Variants in LRP1B observed in about 807,000 individuals in gnomAD.
LRP1B encodes low-density lipoprotein receptor-related protein 1B.
Under a neutral mutation model 556.6 loss-of-function variants are expected in LRP1B, and 217 were observed. That is an observed-to-expected ratio of 0.39 (90% confidence interval 0.35 to 0.44). LRP1B has a LOEUF of 0.44. Among genes scored for constraint, LRP1B ranks in the 20% least tolerant of loss-of-function variants. The pLI, the probability that LRP1B is intolerant of heterozygous loss-of-function variation, is 1.00. For missense variants in LRP1B, 5,053 were observed against 5,620.8 expected, an observed-to-expected ratio of 0.90 and a Z score of 3.23; for synonymous variants, 2,047 against 1,865.8, an observed-to-expected ratio of 1.10 and a Z score of -2.50.
Position 141,062,041 on chromosome 2 carries a change from T to A in LRP1B, c.1236+10A>T, listed in dbSNP as rs1699350661. The A allele has an allele frequency of 6.2e-7, 1 of 1,606,468 alleles. No homozygotes were observed. The highest frequency in any genetic ancestry group is 8.5e-7 in the Non-Finnish European group (1 of 1,173,860). Reference sequence around the variant, plus strand: ...ACCCTAGGAGCGTTGTCTAACAAAATTGTACTTACTTGTCTGCCTTGAATG... The same window carrying A: ...ACCCTAGGAGCGTTGTCTAACAAAAATGTACTTACTTGTCTGCCTTGAATG... On this transcript the variant is annotated intron_variant, in intron 8 of 90. Coordinates refer to ENST00000389484, the MANE Select transcript of LRP1B (RefSeq NM_018557.3).
At chr2:141,208,487 AC>A (rs768045238) in intron 6 of LRP1B, 1 of 152,166 alleles carries the variant, frequency 6.6e-6, no homozygotes, top group Non-Finnish European at 1.5e-5. Context: ...CTGCGCCACA[AC>A]CAGAAAAGCT....
chr2:141,891,924 C>T (rs999532858), intron 1 of LRP1B, among the ~76,000 whole-genome samples: 4 of 151,756 alleles, frequency 2.6e-5, no homozygotes, highest in African/African-American at 7.3e-5. Flanking sequence ...AATAGGTGAC[C>T]TTAGGTACAG....
chr2:141,694,637 C>A (rs74601372), intron 2 of LRP1B, among the ~76,000 whole-genome samples: 13,521 of 149,840 alleles, frequency 0.09, 1,222 homozygotes, highest in African/African-American at 0.22. Context: ...CATGATCATT[C>A]GATTGTTTCA....
At chr2:140,444,262 G>A (rs1009296906) in intron 65 of LRP1B, 68 bp downstream of exon 65, 5 of 1,540,086 alleles carry the variant, frequency 3.2e-6, no homozygotes, top group African/African-American at 1.4e-5. Flanking sequence ...ATGAAGTATA[G>A]TACTAATTTT....
In LRP1B at chr2:140,511,601, C is replaced by T. The variant is rs531624435; in HGVS notation, c.8270-1545G>A. The stretch of plus-strand genomic sequence containing the variant: ...CAGGCGTGAGCCACCGCGCCCAGCC[C>T]CTCTAGGGGTCTTTTGCAATATAAA... On this transcript the variant is annotated intron_variant, in intron 51 of 90. Coordinates refer to ENST00000389484, the MANE Select transcript of LRP1B (RefSeq NM_018557.3). Among the ~76,000 whole-genome samples, 12 of 152,164 alleles carry T rather than the reference C, an allele frequency of 7.9e-5. No homozygotes were observed. In the East Asian group the frequency reaches 2.3e-3, roughly 29 times the overall value.
intron 2 of LRP1B, among the ~76,000 whole-genome samples, chr2:141,560,971 T>C (rs1018865803): frequency 6.6e-6 from 1 of 151,662 alleles, no homozygotes; most frequent in African/African-American, 2.4e-5. Context: ...ATGCTACTTA[T>C]AACTAAGACT....
chr2:141,189,300 T>C (rs866780499), intron 6 of LRP1B, among the ~76,000 whole-genome samples: 2 of 152,038 alleles, frequency 1.3e-5, no homozygotes, highest in South Asian at 2.1e-4. Flanking sequence ...GACTTGAGTA[T>C]GGGATTTCAG....
intron 3 of LRP1B, among the ~76,000 whole-genome samples, chr2:141,314,841 T>TAC (rs1181432784): frequency 7.5e-6 from 1 of 133,030 alleles, no homozygotes; most frequent in Non-Finnish European, 1.6e-5. Flanking sequence ...TATATATATA[T>TAC]ATACACATAT....
intron 1 of LRP1B, among the ~76,000 whole-genome samples, chr2:142,019,310 T>C (rs1047114076): frequency 5.3e-5 from 8 of 152,284 alleles, no homozygotes; most frequent in South Asian, 4.1e-4. Flanking sequence ...TAGTTTAGTG[T>C]TGGAAGGGAA....
intron 41 of LRP1B, among the ~76,000 whole-genome samples, chr2:140,608,590 T>C (rs2105218492): frequency 6.6e-6 from 1 of 152,358 alleles, no homozygotes; most frequent in South Asian, 2.1e-4. Flanking sequence ...GAGATGCAAC[T>C]CTATTTTTAA....
At chr2:141,952,767 T>G (rs918767614) in intron 1 of LRP1B, among the ~76,000 whole-genome samples, 1 of 152,146 alleles carries the variant, frequency 6.6e-6, no homozygotes, top group Non-Finnish European at 1.5e-5. Flanking sequence ...AAAGACACAT[T>G]TTCTTTCAAA....
chr2:141,899,076 A>G (rs1185156096), intron 1 of LRP1B, among the ~76,000 whole-genome samples: 7 of 152,146 alleles, frequency 4.6e-5, no homozygotes, highest in Admixed American at 3.9e-4. Context: ...AAAAAGAATT[A>G]CCTTCTCAAC....
intron 3 of LRP1B, among the ~76,000 whole-genome samples, chr2:141,433,833 T>C (rs188413752): frequency 1.3e-5 from 2 of 151,582 alleles, no homozygotes; most frequent in African/African-American, 4.8e-5. Context: ...TCAGGTACTA[T>C]GTTTTTGAAT....
chr2:142,015,923 C>T (rs1036935145), intron 1 of LRP1B, among the ~76,000 whole-genome samples: 5 of 130,568 alleles, frequency 3.8e-5, no homozygotes, highest in Non-Finnish European at 7.8e-5. Context: ...GCCCGGGAGT[C>T]GGAGCTTGCA....
At chr2:140,264,923 C>G (rs953455163) in intron 86 of LRP1B, among the ~76,000 whole-genome samples, 1 of 151,344 alleles carries the variant, frequency 6.6e-6, no homozygotes, top group African/African-American at 2.4e-5. Context: ...ATTTGACCCA[C>G]AGACACCTAG....
chr2:140,308,342 CTCTA>C (rs1436845345), intron 83 of LRP1B, among the ~76,000 whole-genome samples: 1 of 151,612 alleles, frequency 6.6e-6, no homozygotes, highest in African/African-American at 2.4e-5. Flanking sequence ...ATTTATTTTC[CTCTA>C]TCTACACAAC....
At chr2:140,498,426 C>T (rs1322140718) in intron 55 of LRP1B, among the ~76,000 whole-genome samples, 2 of 151,820 alleles carry the variant, frequency 1.3e-5, no homozygotes, top group Non-Finnish European at 2.9e-5. Context: ...AATTATCCTT[C>T]CTATCAAAAT....
At position 140,993,113 on chromosome 2, in the gene LRP1B, T is replaced by C. The variant is rs1697140600; in HGVS notation, c.2644+882A>G. Among the ~76,000 whole-genome samples the C allele has an allele frequency of 2.0e-5, 3 of 151,990 alleles. No homozygotes were observed. In the South Asian group the frequency reaches 6.2e-4, roughly 31 times the overall value. The stretch of plus-strand genomic sequence containing the variant: ...AGATCTTTAAAACTTCATTTGTATA[T>C]TAATTTTTAAAAAAGGGAAATGAAG... On this transcript the variant is annotated intron_variant, in intron 16 of 90. Transcript: ENST00000389484.
At chr2:140,510,434 G>A (rs1033339010) in intron 51 of LRP1B, among the ~76,000 whole-genome samples, 2 of 152,088 alleles carry the variant, frequency 1.3e-5, no homozygotes, top group African/African-American at 2.4e-5. Context: ...TGCTTAATAC[G>A]TGCTAAGCAC....
Sources: gnomAD v4.1 joint callset for allele counts (sites outside exome capture counted in the v4.1 genomes callset) on GRCh38, gnomAD v4.1.1 for gene constraint, MANE v1.5 for transcripts, NCBI Gene and HGNC (gene_info 2026-07-23, HGNC 2026-07-21) for gene names.